Variants in BTN2A2 observed in about 807,000 individuals in gnomAD.
BTN2A2 encodes the protein butyrophilin subfamily 2 member A2, also known as butyrophilin 2.
Under a neutral mutation model 34.7 loss-of-function variants are expected in BTN2A2, and 29 were observed. The ratio of observed to expected loss-of-function variants is 0.84; its 90% CI spans 0.62 to 1.14. The LOEUF is 1.14. Ranked by LOEUF, BTN2A2 falls within the 50% of genes most tolerant of loss-of-function variation. The pLI is 0.00. For missense variants in BTN2A2, 612 were observed against 651.5 expected, an observed-to-expected ratio of 0.94 and a Z score of 0.66; for synonymous variants, 240 against 253.1, an observed-to-expected ratio of 0.95 and a Z score of 0.49.
Position 26,392,599 on chromosome 6 carries a change from A to C in BTN2A2, c.1204A>C (p.Ser402Arg). 1 of 1,614,138 alleles carries C rather than the reference A, an allele frequency of 6.2e-7. No homozygotes were observed. ...GTGGACTGTGGGGGTCTGCAGACAC[A>C]GTGTTGAGAGGAAAGGGGAGGTCCT... Reference protein sequence around the residue: ...MVWTVGVCRHSVERKGEVLLI... With the variant: ...MVWTVGVCRHRVERKGEVLLI... Residue 402 changes from serine (S) to arginine (R), a missense_variant, in exon 8 of 8, where the codon AGT becomes CGT. Transcript: ENST00000356709.
Position 26,392,153 on chromosome 6 carries a change from A to G in BTN2A2, c.980-222A>G, listed in dbSNP as rs200178127. 3.0e-5 allele frequency: 43 copies of G among 1,423,318 alleles called. No individual in the cohort carries two copies. The Admixed American group carries it at 5.8e-4, about 19-fold the overall frequency. The allele number at this position is 1,423,318 out of a possible 1,614,324, so 88.2% of individuals were successfully genotyped here. On this transcript the variant is annotated intron_variant, in intron 7 of 7. Coordinates refer to ENST00000356709, the MANE Select transcript of BTN2A2 (RefSeq NM_006995.5). ...ACTCTCTGGATTTCATAGAGCCACA[A>G]TTCTTCTCAACCTGGGGGCACTGCT...
rs1333586713 is a variant in BTN2A2, at chr6:26,394,686, A to G, written c.*1719A>G. 3 of 249,376 alleles carry G rather than the reference A, an allele frequency of 1.2e-5. No individual in the cohort carries two copies. Among genetic ancestry groups the G allele is most frequent in the Non-Finnish European group, 2.3e-5 (3 of 131,236 alleles). The allele number at this position is 249,376 out of a possible 1,614,324, so 15.4% of individuals were successfully genotyped here. A position where few individuals can be genotyped will look rare whatever the true frequency, so the allele number is the denominator to read the frequency against. On this transcript the variant is annotated 3_prime_UTR_variant, in exon 8 of 8. Transcript: ENST00000356709. ...GCATCCCAGGGTCTCCAGCCTACAG[A>G]TGAGCTGTTGTGCGATTTCTTAGCC...
intron 5 of BTN2A2, 32 bp downstream of exon 5, chr6:26,390,243 T>C: frequency 1.3e-6 from 2 of 1,594,586 alleles, no homozygotes; most frequent in Non-Finnish European, 1.7e-6. Flanking sequence ...TGTGGAAAAA[T>C]AGAAAGAAAT....
Position 26,384,511 on chromosome 6 carries a change from T to C in BTN2A2, c.95-504T>C, listed in dbSNP as rs774736935. Among the ~76,000 whole-genome samples, 13 of 152,366 alleles carry C rather than the reference T, an allele frequency of 8.5e-5. No individual in the cohort carries two copies. The East Asian group carries it at 9.6e-4, about 11-fold the overall frequency. On this transcript the variant is annotated intron_variant, in intron 2 of 7. Coordinates refer to ENST00000356709, the MANE Select transcript of BTN2A2 (RefSeq NM_006995.5). The surrounding 1 kb of genome is among the most constrained non-coding windows in gnomAD (Gnocchi z 4.0). The stretch of plus-strand genomic sequence containing the variant: ...AATTTTAATAATGTATTTTGTTTCA[T>C]ATAAATAATCACATATCAATATTTA...
In BTN2A2 at chr6:26,385,379, T is replaced by C; in HGVS notation, c.442+17T>C. ...TGGTGGCAGGTGCATCACTTCATTTTGCTTTATTACTTTTGCACAGTGTGA... is the reference window on the plus strand; with the variant it reads ...TGGTGGCAGGTGCATCACTTCATTTCGCTTTATTACTTTTGCACAGTGTGA... On this transcript the variant is annotated intron_variant, in intron 3 of 7. Transcript: ENST00000356709. 5 of 1,606,532 alleles carry C rather than the reference T, an allele frequency of 3.1e-6. No homozygotes were observed. Among genetic ancestry groups the C allele is most frequent in the Non-Finnish European group, 4.3e-6 (5 of 1,174,728 alleles).
In BTN2A2 at chr6:26,394,388, G is replaced by T; in HGVS notation, c.*1421G>T. 5 of 683,992 alleles carry T rather than the reference G, an allele frequency of 7.3e-6. No individual in the cohort carries two copies. The highest frequency in any genetic ancestry group is 6.1e-5 in the Admixed American group (3 of 48,818). The allele number at this position is 683,992 out of a possible 1,614,324, so 42.4% of individuals were successfully genotyped here. On this transcript the variant is annotated 3_prime_UTR_variant, in exon 8 of 8. Transcript: ENST00000356709. ...GTGAGTGTGTTTCCAGAAGAGATTG[G>T]CAAGTGAGTCAGTGGGAAATTCTCT... is the stretch of plus-strand genomic sequence containing the variant.
rs1445297955 is a variant in BTN2A2, at chr6:26,383,944, A to G, written c.94+29A>G. ...GGGATGTGTGTCACTTGCTGCTGTC[A>G]CCTCTCAGAAAGGAACATCAACCCT... On this transcript the variant is annotated intron_variant, in intron 2 of 7. Coordinates refer to ENST00000356709, the MANE Select transcript of BTN2A2 (RefSeq NM_006995.5). The surrounding 1 kb of genome is among the most constrained non-coding windows in gnomAD (Gnocchi z 4.4). 5.6e-6 allele frequency: 9 copies of G among 1,598,656 alleles called. No individual in the cohort carries two copies. The highest frequency in any genetic ancestry group is 7.7e-6 in the Non-Finnish European group (9 of 1,166,094).
chr6:26,385,055 C>G lies in BTN2A2; in HGVS notation c.135C>G (p.Ala45=). 1 of 1,613,890 alleles carries G rather than the reference C, an allele frequency of 6.2e-7. No individual in the cohort carries two copies. ...TGGGGCCAGCTAATCCCATCCTGGC[C>G]ATGGTGGGAGAAAACACTACATTAC... ...TVVGPANPIL[A]MVGENTTLRC... Residue 45 remains alanine (A), a synonymous_variant, in exon 3 of 8, where the codon GCC becomes GCG. Transcript: ENST00000356709.
At chr6:26,392,282 CT>C (rs1761625096) in intron 7 of BTN2A2, 92 bp from the exon 8 acceptor site, 2 of 1,596,314 alleles carry the variant, frequency 1.3e-6, no homozygotes, top group African/African-American at 1.3e-5. Flanking sequence ...GGGGAACCCC[CT>C]TCAGCTTTCT....
At chr6:26,386,643 G>T (rs896631965) in intron 3 of BTN2A2, among the ~76,000 whole-genome samples, 2 of 152,182 alleles carry the variant, frequency 1.3e-5, no homozygotes, top group East Asian at 1.9e-4. Context: ...CTCTTTCTCT[G>T]TAAAACCAAC....
chr6:26,390,171 AG>A lies in BTN2A2; in HGVS notation c.895del (p.Glu299LysfsTer51). On this transcript the variant is annotated frameshift_variant, in exon 5 of 8. Transcript: ENST00000356709. LOFTEE classifies it high-confidence loss of function. ...TTCAAAGGGAAAAAAAGATTCTGTC[AG>A]GGGAAAAGAAAGTTGAACAAGAGGA... ...KLQREKKILS[G>X]EKKVEQEEKE... is the part of the protein sequence containing the mutation. 2 of 1,614,212 alleles carry A rather than the reference AG, an allele frequency of 1.2e-6. No homozygotes were observed. Among genetic ancestry groups the A allele is most frequent in the South Asian group, 2.2e-5 (2 of 91,080 alleles).
chr6:26,388,228 A>C lies in BTN2A2; in HGVS notation c.658A>C (p.Asn220His). The C allele has an allele frequency of 2.5e-6, 4 of 1,614,152 alleles. No individual in the cohort carries two copies. The highest frequency in any genetic ancestry group is 3.4e-6 in the Non-Finnish European group (4 of 1,180,012). Reference protein sequence around the residue: ...AVIIRDKYVRNVSCSVNNTLL... With the variant: ...AVIIRDKYVRHVSCSVNNTLL... ...GATCATCAGAGACAAGTATGTGAGG[A>C]ATGTGTCCTGCTCTGTCAACAACAC... Residue 220 changes from asparagine to histidine, a missense_variant, in exon 4 of 8, where the codon AAT becomes CAT. Physicochemically the swap from Asn to His is moderately conservative, Grantham distance 68 (BLOSUM62 1). Transcript: ENST00000356709.
At position 26,384,013 on chromosome 6, in the gene BTN2A2, C is replaced by T. The variant is rs1761027740; in HGVS notation, c.94+98C>T. 1.5e-6 allele frequency: 2 copies of T among 1,354,494 alleles called. No homozygotes were observed. Among genetic ancestry groups the T allele is most frequent in the Admixed American group, 1.8e-5 (1 of 55,356 alleles). The allele number at this position is 1,354,494 out of a possible 1,614,324, so 83.9% of individuals were successfully genotyped here. ...GAAGGAAGAACTGTGGGGTTGTTGACTTATCCTTTCATTCTGAACATGTTC... is the reference window on the plus strand; with the variant it reads ...GAAGGAAGAACTGTGGGGTTGTTGATTTATCCTTTCATTCTGAACATGTTC... On this transcript the variant is annotated intron_variant, in intron 2 of 7. Coordinates refer to ENST00000356709, the MANE Select transcript of BTN2A2 (RefSeq NM_006995.5). This position sits in a 1 kb window ranked among gnomAD's most constrained non-coding sequence, Gnocchi z 4.0.
chr6:26,388,614 T>C (rs73736241), intron 4 of BTN2A2, among the ~76,000 whole-genome samples: 1,789 of 152,270 alleles, frequency 0.012, 30 homozygotes, highest in African/African-American at 0.027. Flanking sequence ...TGACTGTCTA[T>C]GCTTGGCATT....
Position 26,392,369 on chromosome 6 carries a change from C to T in BTN2A2, c.980-6C>T. The T allele has an allele frequency of 6.8e-6, 11 of 1,614,130 alleles. No homozygotes were observed. Among genetic ancestry groups the T allele is most frequent in the Non-Finnish European group, 8.5e-6 (10 of 1,179,956 alleles). On this transcript the variant is annotated splice_region_variant and splice_polypyrimidine_tract_variant and intron_variant, in intron 7 of 7. Transcript: ENST00000356709. ...CCCAGGCATAAACCTGAGACTTCCT[C>T]TGCAGCTGATGTGGTCCTGGATCCA...
At chr6:26,388,457 G>A (rs977003150) in intron 4 of BTN2A2, among the ~76,000 whole-genome samples, 163 bp downstream of exon 4, 4 of 152,144 alleles carry the variant, frequency 2.6e-5, no homozygotes, top group Admixed American at 2.6e-4. Flanking sequence ...CCTCACAAAG[G>A]GAGATTCAAA....
At chr6:26,387,953 A>G (rs1761307070) in intron 3 of BTN2A2, 60 bp from the exon 4 acceptor site, 16 of 1,519,850 alleles carry the variant, frequency 1.1e-5, no homozygotes, top group Non-Finnish European at 1.3e-5. Flanking sequence ...CCATCCATCA[A>G]GGTGCAGTAG....
rs1334735789 is a variant in BTN2A2, at chr6:26,393,704, A to T, written c.*737A>T. 21 of 989,980 alleles carry T rather than the reference A, an allele frequency of 2.1e-5. No homozygotes were observed. The highest frequency in any genetic ancestry group is 1.9e-5 in the Non-Finnish European group (16 of 833,080). The allele number at this position is 989,980 out of a possible 1,614,324, so 61.3% of individuals were successfully genotyped here. ...GTTTGAGGTCCTGGTCGAGCAGGGCAGTACTGGACCAGGTCTACGTCAGCA... is the reference window on the plus strand; with the variant it reads ...GTTTGAGGTCCTGGTCGAGCAGGGCTGTACTGGACCAGGTCTACGTCAGCA... On this transcript the variant is annotated 3_prime_UTR_variant, in exon 8 of 8. Coordinates refer to ENST00000356709, the MANE Select transcript of BTN2A2 (RefSeq NM_006995.5).
In BTN2A2 at chr6:26,394,720, C is replaced by T; in HGVS notation, c.*1753C>T. 5.1e-6 allele frequency: 1 copy of T among 196,260 alleles called. No homozygotes were observed. Among genetic ancestry groups the T allele is most frequent in the Non-Finnish European group, 1.0e-5 (1 of 97,224 alleles). The allele number at this position is 196,260 out of a possible 1,614,324, so 12.2% of individuals were successfully genotyped here. Reference sequence around the variant, plus strand: ...TGTGCGATTTCTTAGCCTCCATAATCACATGAGCCAATCTCCTTAATAAAT... The same window carrying T: ...TGTGCGATTTCTTAGCCTCCATAATTACATGAGCCAATCTCCTTAATAAAT... On this transcript the variant is annotated 3_prime_UTR_variant, in exon 8 of 8. Coordinates refer to ENST00000356709, the MANE Select transcript of BTN2A2 (RefSeq NM_006995.5).
Sources: gnomAD v4.1 joint callset for allele counts (sites outside exome capture counted in the v4.1 genomes callset) on GRCh38, gnomAD v4.1.1 for gene constraint, Gnocchi (gnomAD v3.1) non-coding constraint, MANE v1.5 for transcripts, NCBI Gene and HGNC (gene_info 2026-07-23, HGNC 2026-07-21) for gene names.